The following ILRUN variants were observed in gnomAD, a reference collection of about 807,000 sequenced individuals.
ILRUN encodes protein ILRUN.
ILRUN carries 3 observed loss-of-function variants against 33.8 expected under a neutral mutation model. The observed-to-expected ratio is 0.09, with a 90% CI of 0.04 to 0.23. The LOEUF is 0.23. Among genes scored for constraint, ILRUN ranks in the 10% least tolerant of loss-of-function variants. The pLI is 1.00. For synonymous variants in ILRUN, 124 were observed against 138.9 expected (o/e 0.89, Z 0.75); for missense variants, 210 against 375.1 (o/e 0.56, Z 3.64).
intron 1 of ILRUN, among the ~76,000 whole-genome samples, chr6:34,682,548 G>A (rs560737710): frequency 2.1e-4 from 32 of 151,158 alleles, no homozygotes; most frequent in African/African-American, 6.3e-4. Context: ...GTGAGCCACC[G>A]CGCCCAGCCA....
At chr6:34,683,475 C>CGT (rs1763436244) in intron 1 of ILRUN, among the ~76,000 whole-genome samples, 1 of 79,894 alleles carries the variant, frequency 1.3e-5, no homozygotes, top group African/African-American at 6.7e-5. Flanking sequence ...TATATATACA[C>CGT]ATATATATAT....
At chr6:34,638,333 A>G (rs893082616) in intron 3 of ILRUN, among the ~76,000 whole-genome samples, 1 of 152,242 alleles carries the variant, frequency 6.6e-6, no homozygotes, top group Non-Finnish European at 1.5e-5. Context: ...AATATTTTAG[A>G]ATTTCAGATC....
intron 1 of ILRUN, among the ~76,000 whole-genome samples, chr6:34,669,933 CAG>C (rs1310033850): frequency 1.3e-5 from 2 of 149,652 alleles, no homozygotes; most frequent in Admixed American, 6.6e-5. Context: ...TTTTTTGAGA[CAG>C]AGTTTCGCTC....
At chr6:34,617,910 C>T (rs1761931520) in intron 3 of ILRUN, among the ~76,000 whole-genome samples, 1 of 152,086 alleles carries the variant, frequency 6.6e-6, no homozygotes, top group Non-Finnish European at 1.5e-5. Context: ...GAAGAGAAGC[C>T]TAAGAAAGGC....
chr6:34,653,030 C>A (rs1207332579), intron 2 of ILRUN, among the ~76,000 whole-genome samples: 1 of 150,952 alleles, frequency 6.6e-6, no homozygotes, highest in Non-Finnish European at 1.5e-5. Flanking sequence ...CATCTGTAAT[C>A]CCAACTACTC....
intron 3 of ILRUN, among the ~76,000 whole-genome samples, chr6:34,621,831 C>G (rs947537647): frequency 5.3e-5 from 8 of 151,110 alleles, no homozygotes; most frequent in African/African-American, 2.0e-4. Flanking sequence ...CCACTGCACT[C>G]CAGCCTGATG....
intron 4 of ILRUN, among the ~76,000 whole-genome samples, chr6:34,593,695 T>C (rs1330209328): frequency 6.6e-6 from 1 of 152,180 alleles, no homozygotes; most frequent in African/African-American, 2.4e-5. Flanking sequence ...GAAAAATAGT[T>C]TGATGAACAA....
In ILRUN at chr6:34,590,033, T is replaced by C. The variant is rs1761265433; in HGVS notation, c.*532A>G. 1 of 152,652 alleles carries C rather than the reference T, an allele frequency of 6.6e-6. No homozygotes were observed. The highest frequency in any genetic ancestry group is 1.5e-5 in the Non-Finnish European group (1 of 68,368). 9.5% of individuals were successfully genotyped at this position (152,652 alleles called of 1,614,324 possible). On this transcript the variant is annotated 3_prime_UTR_variant, in exon 5 of 5. Coordinates refer to ENST00000374023, the MANE Select transcript of ILRUN (RefSeq NM_024294.4). ...TTCTGGAGTCATGTGGCAGGGCAGATGTACTCCTGTAGCACTGATCCGCAG... is the reference window on the plus strand; with the variant it reads ...TTCTGGAGTCATGTGGCAGGGCAGACGTACTCCTGTAGCACTGATCCGCAG...
rs560898060 is a variant in ILRUN at position 34,600,789 on chromosome 6, T to C, written c.861+5766A>G. Among the ~76,000 whole-genome samples, 8 of 152,328 alleles carry C rather than the reference T, an allele frequency of 5.3e-5. No individual in the cohort carries two copies. In the South Asian group the frequency reaches 6.2e-4, roughly 12 times the overall value. On this transcript the variant is annotated intron_variant, in intron 4 of 4. Transcript: ENST00000374023. ...TGGTCAACAATTGCCTTGATCCTCA[T>C]TTAAAACGTAGCTGTACATTACAGA...
At chr6:34,683,441 CAT>C (rs68021203) in intron 1 of ILRUN, among the ~76,000 whole-genome samples, 45,460 of 119,226 alleles carry the variant, frequency 0.38, 8,604 homozygotes, top group East Asian at 0.44. Flanking sequence ...TATATATATA[CAT>C]ATATATATAC....
At chr6:34,690,089 G>A (rs1264666944) in intron 1 of ILRUN, among the ~76,000 whole-genome samples, 1 of 152,128 alleles carries the variant, frequency 6.6e-6, no homozygotes, top group Non-Finnish European at 1.5e-5. Context: ...ATCTAGAAGA[G>A]TTATTTGACT....
rs1410473583 is a variant in ILRUN, at chr6:34,637,858, C to T, written c.511+8743G>A. On this transcript the variant is annotated intron_variant, in intron 3 of 4. Coordinates refer to ENST00000374023, the MANE Select transcript of ILRUN (RefSeq NM_024294.4). ...GCTGTTGTTGTTGCTGCTGCTGCTG[C>T]TGCTGCTGTTGTTGTTGTTGTTGTT... Among the ~76,000 whole-genome samples the T allele has an allele frequency of 2.0e-4, 26 of 127,496 alleles. No individual in the cohort carries two copies. The East Asian group carries it at 7.3e-3, about 36-fold the overall frequency. 83.6% of individuals were successfully genotyped at this position (127,496 alleles called of 152,430 possible).
chr6:34,652,068 A>G (rs965929866), intron 2 of ILRUN, among the ~76,000 whole-genome samples: 4 of 152,188 alleles, frequency 2.6e-5, no homozygotes, highest in African/African-American at 9.7e-5. Flanking sequence ...CTGGGATTAC[A>G]GGTGTGAGCC....
chr6:34,653,385 C>T (rs1282760761), intron 2 of ILRUN, among the ~76,000 whole-genome samples: 1 of 151,866 alleles, frequency 6.6e-6, no homozygotes, highest in Non-Finnish European at 1.5e-5. Flanking sequence ...TGCCCAACAC[C>T]ATACCCGGTT....
chr6:34,595,401 G>C (rs1214905489), intron 4 of ILRUN, among the ~76,000 whole-genome samples: 1 of 152,194 alleles, frequency 6.6e-6, no homozygotes, highest in Admixed American at 6.5e-5. Context: ...CATTTCAGTT[G>C]TATTCACCTA....
chr6:34,605,116 G>T (rs184503776), intron 4 of ILRUN, among the ~76,000 whole-genome samples: 1 of 152,088 alleles, frequency 6.6e-6, no homozygotes, highest in East Asian at 1.9e-4. Flanking sequence ...AGACCAGCAT[G>T]ACCAACGTGG....
At chr6:34,665,756 CA>C (rs896029365) in intron 1 of ILRUN, among the ~76,000 whole-genome samples, 4 of 151,706 alleles carry the variant, frequency 2.6e-5, no homozygotes, top group African/African-American at 7.3e-5. Context: ...AAAAAAATGC[CA>C]AAAAAACAAA....
chr6:34,626,551 G>A (rs1176131503), intron 3 of ILRUN, among the ~76,000 whole-genome samples: 1 of 152,106 alleles, frequency 6.6e-6, no homozygotes, highest in Non-Finnish European at 1.5e-5. Flanking sequence ...TGCACAACCT[G>A]CCTATCAACA....
chr6:34,674,029 T>C (rs1211104509), intron 1 of ILRUN, among the ~76,000 whole-genome samples: 1 of 151,174 alleles, frequency 6.6e-6, no homozygotes, highest in African/African-American at 2.4e-5. Context: ...CAGGCAGAGG[T>C]CCAAATCTTT....
Sources: allele counts gnomAD v4.1 joint callset (sites outside exome capture counted in the v4.1 genomes callset), GRCh38; gene constraint gnomAD v4.1.1; transcripts MANE v1.5; gene names NCBI Gene and HGNC (gene_info 2026-07-23, HGNC 2026-07-21).